ATRNL1: variants seen among roughly 807,000 people sequenced by gnomAD.
The protein encoded by ATRNL1 is attractin-like protein 1.
In ATRNL1, 95 loss-of-function variants were observed where a neutral mutation model predicts 182.7. That is an observed-to-expected ratio of 0.52 (90% CI 0.44 to 0.62). The LOEUF (loss-of-function observed/expected upper bound fraction) is 0.62, where lower values mean the gene tolerates loss of function less well. Among genes scored for constraint, ATRNL1 ranks in the 20% least tolerant of loss-of-function variants. The probability of loss-of-function intolerance (pLI) is 0.00; values close to 1 mark genes in which losing one functional copy is unlikely to be tolerated. For missense variants in ATRNL1, 1,471 were observed against 1,679.5 expected (o/e 0.88, Z 2.17); for synonymous variants, 576 against 568.3 (o/e 1.01, Z -0.19).
intron 28 of ATRNL1, among the ~76,000 whole-genome samples, chr10:115,885,785 C>T (rs1254405641): frequency 2.0e-5 from 3 of 152,140 alleles, no homozygotes; most frequent in Non-Finnish European, 4.4e-5. Flanking sequence ...TCATATTTCT[C>T]ATGACTCCAT....
At chr10:115,632,658 A>G (rs1362596851) in intron 26 of ATRNL1, among the ~76,000 whole-genome samples, 1 of 152,132 alleles carries the variant, frequency 6.6e-6, no homozygotes, top group Non-Finnish European at 1.5e-5. Context: ...CTGATAATGT[A>G]AAGGGAAAAT....
chr10:115,274,183 C>T (rs1305203275), intron 13 of ATRNL1, among the ~76,000 whole-genome samples: 2 of 152,200 alleles, frequency 1.3e-5, no homozygotes, highest in African/African-American at 4.8e-5. Flanking sequence ...TACCATTGCA[C>T]CTGCAGGATC....
At chr10:115,229,879 GTA>G (rs1256834671) in intron 9 of ATRNL1, among the ~76,000 whole-genome samples, 1 of 152,108 alleles carries the variant, frequency 6.6e-6, no homozygotes, top group Non-Finnish European at 1.5e-5. Flanking sequence ...ATGATAGTAT[GTA>G]TATATAGTTT....
At chr10:115,682,969 A>G (rs549077095) in intron 26 of ATRNL1, among the ~76,000 whole-genome samples, 1 of 152,290 alleles carries the variant, frequency 6.6e-6, no homozygotes, top group Admixed American at 6.5e-5. Context: ...CAAGTTACGT[A>G]TTCTCTCAGA....
At chr10:115,786,282 G>A (rs1339250753) in intron 27 of ATRNL1, among the ~76,000 whole-genome samples, 4 of 151,958 alleles carry the variant, frequency 2.6e-5, no homozygotes, top group African/African-American at 9.7e-5. Flanking sequence ...ATCAAAATGT[G>A]TGTCAGTTTC....
At chr10:115,906,732 C>T (rs990934932) in intron 28 of ATRNL1, among the ~76,000 whole-genome samples, 4 of 152,116 alleles carry the variant, frequency 2.6e-5, no homozygotes, top group African/African-American at 7.2e-5. Flanking sequence ...CCTAGAATTT[C>T]AGCACCTAGA....
intron 27 of ATRNL1, among the ~76,000 whole-genome samples, chr10:115,745,693 T>C (rs1452252981): frequency 6.6e-6 from 1 of 152,150 alleles, no homozygotes. Flanking sequence ...TTGTATTAGA[T>C]TGGTGCAGAT....
chr10:115,589,012 C>T (rs2133911354), intron 26 of ATRNL1, among the ~76,000 whole-genome samples: 1 of 152,056 alleles, frequency 6.6e-6, no homozygotes, highest in African/African-American at 2.4e-5. Flanking sequence ...ACTAACATTC[C>T]AGCTGGTAAT....
chr10:115,533,822 T>C (rs1478272754), intron 25 of ATRNL1, among the ~76,000 whole-genome samples: 2 of 151,576 alleles, frequency 1.3e-5, no homozygotes, highest in Admixed American at 1.3e-4. Context: ...CTCGTTGGTT[T>C]CAAAAAACAT....
Position 115,407,127 on chromosome 10 carries a change from C to T in ATRNL1, c.3269+12375C>T, listed in dbSNP as rs529985787. On this transcript the variant is annotated intron_variant, in intron 20 of 28. Coordinates refer to ENST00000355044, the MANE Select transcript of ATRNL1 (RefSeq NM_207303.4). ...ATTGGATTTTATTTTTAAATTGACA[C>T]GATAATGGTACATATTTATGGTGTT... 9.2e-5 allele frequency among the ~76,000 whole-genome samples: 14 copies of T among 151,980 alleles called. No individual in the cohort carries two copies. The East Asian group carries it at 1.2e-3, about 13-fold the overall frequency.
At chr10:115,503,279 T>A (rs1849939478) in intron 24 of ATRNL1, among the ~76,000 whole-genome samples, 1 of 152,156 alleles carries the variant, frequency 6.6e-6, no homozygotes, top group South Asian at 2.1e-4. Flanking sequence ...TTTAGGCCAG[T>A]TACCAAAGGG....
chr10:115,536,577 G>A (rs1432566229), intron 25 of ATRNL1, among the ~76,000 whole-genome samples: 1 of 152,224 alleles, frequency 6.6e-6, no homozygotes, highest in Non-Finnish European at 1.5e-5. Context: ...GTGAGGCAAT[G>A]CCTCGCCCTG....
At chr10:115,565,630 A>G (rs1854029395) in intron 26 of ATRNL1, among the ~76,000 whole-genome samples, 1 of 152,128 alleles carries the variant, frequency 6.6e-6, no homozygotes, top group African/African-American at 2.4e-5. Context: ...ATGACTTAGA[A>G]GCACACACTC....
chr10:115,142,862 C>A (rs1554878371), intron 5 of ATRNL1, among the ~76,000 whole-genome samples: 4 of 151,968 alleles, frequency 2.6e-5, no homozygotes, highest in Non-Finnish European at 5.9e-5. Flanking sequence ...AAAGAAGAGT[C>A]AAAGATGACT....
chr10:115,390,570 G>T (rs571475106), intron 19 of ATRNL1, among the ~76,000 whole-genome samples: 1 of 152,180 alleles, frequency 6.6e-6, no homozygotes, highest in African/African-American at 2.4e-5. Context: ...GCACTATGCT[G>T]TTTTGTTTAA....
At chr10:115,738,342 G>A (rs79620083) in intron 27 of ATRNL1, among the ~76,000 whole-genome samples, 1 of 151,660 alleles carries the variant, frequency 6.6e-6, no homozygotes, top group African/African-American at 2.4e-5. Context: ...GTTTGACCAT[G>A]TTGGCCAGGC....
chr10:115,930,764 G>GT lies in ATRNL1; in HGVS notation c.4019-13889dup, dbSNP rs1364212759. ...GGGCATGAGCATTATGAGTTAATGT[G>GT]TTTTTGTACACTGACTTTCCATCTT... is the stretch of plus-strand genomic sequence containing the variant. On this transcript the variant is annotated intron_variant, in intron 28 of 28. Transcript: ENST00000355044. 2.0e-5 allele frequency among the ~76,000 whole-genome samples: 3 copies of GT among 152,248 alleles called. No individual in the cohort carries two copies. In the East Asian group the frequency reaches 5.8e-4, roughly 29 times the overall value.
intron 7 of ATRNL1, among the ~76,000 whole-genome samples, chr10:115,169,989 T>C (rs1847223181): frequency 6.6e-6 from 1 of 152,176 alleles, no homozygotes; most frequent in Non-Finnish European, 1.5e-5. Context: ...TACATTGATC[T>C]TATGTTCTGT....
chr10:115,756,184 C>CTTAG (rs1948585374), intron 27 of ATRNL1, among the ~76,000 whole-genome samples: 1 of 150,166 alleles, frequency 6.7e-6, no homozygotes, highest in African/African-American at 2.4e-5. Context: ...CTGCTCTGAT[C>CTTAG]TTATTTCTTG....
Sources: gnomAD v4.1 joint callset for allele counts (sites outside exome capture counted in the v4.1 genomes callset) on GRCh38, gnomAD v4.1.1 for gene constraint, MANE v1.5 for transcripts, NCBI Gene and HGNC (gene_info 2026-07-23, HGNC 2026-07-21) for gene names.